Variants in PTN observed in about 807,000 individuals in gnomAD.
PTN encodes the protein pleiotrophin.
A neutral mutation model predicts 24.1 loss-of-function variants in PTN; 18 were observed. The observed-to-expected ratio is 0.75, with a 90% CI of 0.52 to 1.11. The LOEUF (loss-of-function observed/expected upper bound fraction) is 1.11, where lower values mean the gene tolerates loss of function less well. Ranked by LOEUF, PTN falls within the 50% of genes least tolerant of loss-of-function variation. The pLI, the probability that PTN is intolerant of heterozygous loss-of-function variation, is 0.00. For synonymous variants in PTN, 78 were observed against 68.6 expected, an observed-to-expected ratio of 1.14 and a Z score of -0.67; for missense variants, 163 against 198.8, an observed-to-expected ratio of 0.82 and a Z score of 1.08.
At chr7:137,275,148 A>C (rs9718982) in intron 1 of PTN, among the ~76,000 whole-genome samples, 2 of 152,170 alleles carry the variant, frequency 1.3e-5, no homozygotes, top group Admixed American at 6.5e-5. Flanking sequence ...TATCTCCCCC[A>C]AAAAACATCA....
intron 1 of PTN, among the ~76,000 whole-genome samples, chr7:137,337,999 GC>G (rs1810476530): frequency 6.6e-6 from 1 of 152,188 alleles, no homozygotes; most frequent in Non-Finnish European, 1.5e-5. Context: ...TTAATAGGGT[GC>G]ACAGGTTGGA....
chr7:137,268,540 G>A (rs1225533805), intron 1 of PTN, among the ~76,000 whole-genome samples: 1 of 152,172 alleles, frequency 6.6e-6, no homozygotes, highest in African/African-American at 2.4e-5. Flanking sequence ...AGCAAGCCAG[G>A]GGGTACGTGA....
At chr7:137,313,437 C>T (rs1246803034) in intron 1 of PTN, among the ~76,000 whole-genome samples, 3 of 152,136 alleles carry the variant, frequency 2.0e-5, no homozygotes, top group African/African-American at 4.8e-5. Flanking sequence ...GTGAGGACTG[C>T]GGCTCTGCAG....
chr7:137,332,188 A>G (rs896471895), intron 1 of PTN, among the ~76,000 whole-genome samples: 1 of 152,184 alleles, frequency 6.6e-6, no homozygotes, highest in Admixed American at 6.5e-5. Context: ...GCATCTAACT[A>G]TTTTTAAAAG....
At chr7:137,248,700 T>C (rs1808768349) in intron 4 of PTN, among the ~76,000 whole-genome samples, 1 of 152,104 alleles carries the variant, frequency 6.6e-6, no homozygotes, top group African/African-American at 2.4e-5. Context: ...AAGAAATCAT[T>C]CTTTTTGCAG....
intron 1 of PTN, among the ~76,000 whole-genome samples, chr7:137,290,828 T>G (rs1809627573): frequency 6.6e-6 from 1 of 152,110 alleles, no homozygotes; most frequent in Admixed American, 6.6e-5. Context: ...TATGTTCCCC[T>G]TTCCTATTCT....
intron 1 of PTN, among the ~76,000 whole-genome samples, chr7:137,324,446 A>ATG (rs1810223770): frequency 7.2e-6 from 1 of 139,346 alleles, no homozygotes; most frequent in Admixed American, 7.1e-5. Flanking sequence ...ATATATATAT[A>ATG]TATATAAATT....
At chr7:137,256,091 C>T (rs1260519380) in intron 1 of PTN, among the ~76,000 whole-genome samples, 2 of 152,036 alleles carry the variant, frequency 1.3e-5, no homozygotes, top group East Asian at 3.9e-4. Context: ...ATTTATTTTC[C>T]TCATTGAAAA....
intron 1 of PTN, among the ~76,000 whole-genome samples, chr7:137,265,616 C>G (rs1472219456): frequency 1.3e-5 from 2 of 152,204 alleles, no homozygotes; most frequent in Non-Finnish European, 2.9e-5. Flanking sequence ...CAGAGAGAGC[C>G]TGGCATGACT....
intron 1 of PTN, among the ~76,000 whole-genome samples, chr7:137,298,484 A>G (rs536235538): frequency 5.9e-5 from 9 of 152,050 alleles, no homozygotes; most frequent in Admixed American, 5.9e-4. Flanking sequence ...TAAACCTCTT[A>G]TAATTCATGT....
At chr7:137,304,370 C>T (rs1809853367) in intron 1 of PTN, among the ~76,000 whole-genome samples, 1 of 151,840 alleles carries the variant, frequency 6.6e-6, no homozygotes, top group Non-Finnish European at 1.5e-5. Flanking sequence ...CTTTCTGTCT[C>T]CATGGAACTG....
At chr7:137,324,433 A>AAAAAAAATATATAT in intron 1 of PTN, among the ~76,000 whole-genome samples, 1 of 88,762 alleles carries the variant, frequency 1.1e-5, no homozygotes, top group African/African-American at 6.9e-5. Context: ...AAAAAAAAAA[A>AAAAAAAATATATAT]ATATATATAT....
chr7:137,293,018 T>A (rs1006235572), intron 1 of PTN, among the ~76,000 whole-genome samples: 3 of 152,202 alleles, frequency 2.0e-5, no homozygotes, highest in Non-Finnish European at 2.9e-5. Context: ...TTACCTTCTA[T>A]CCTTTACCCA....
intron 1 of PTN, among the ~76,000 whole-genome samples, chr7:137,312,666 G>A (rs1418692746): frequency 6.6e-6 from 1 of 151,580 alleles, no homozygotes; most frequent in African/African-American, 2.4e-5. Flanking sequence ...TTCAACACCT[G>A]GTCCAAAAAT....
At chr7:137,255,071 C>T in intron 1 of PTN, 97 bp from the exon 2 acceptor site, 1 of 755,816 alleles carries the variant, frequency 1.3e-6, no homozygotes, top group Non-Finnish European at 2.0e-6. Flanking sequence ...CTTTCCATTT[C>T]TGGAATGTTA....
At chr7:137,248,836 T>G (rs984390582) in intron 4 of PTN, among the ~76,000 whole-genome samples, 1 of 152,232 alleles carries the variant, frequency 6.6e-6, no homozygotes, top group Non-Finnish European at 1.5e-5. Flanking sequence ...GTAAATTGCA[T>G]AACTGGTAGT....
At chr7:137,235,308 A>G (rs1649182387) in intron 4 of PTN, among the ~76,000 whole-genome samples, 1 of 152,040 alleles carries the variant, frequency 6.6e-6, no homozygotes, top group Non-Finnish European at 1.5e-5. Flanking sequence ...GCCCCACGTC[A>G]GCTATGCCTC....
intron 4 of PTN, among the ~76,000 whole-genome samples, chr7:137,238,588 C>T (rs565778935): frequency 1.3e-5 from 2 of 152,140 alleles, no homozygotes; most frequent in Admixed American, 6.5e-5. Flanking sequence ...CTAAAGAGAT[C>T]CGGCAGTGAT....
chr7:137,249,272 CGTGT>C lies in PTN; in HGVS notation c.451+1954_451+1957del, dbSNP rs60014659. On this transcript the variant is annotated intron_variant, in intron 4 of 4. Coordinates refer to ENST00000348225, the MANE Select transcript of PTN (RefSeq NM_002825.7). ...CCATAGGAAAGAACAGGACAGTGCA[CGTGT>C]GTGTGTGTGTGTGTGTGTGTGTGTG... Among the ~76,000 whole-genome samples, 1,061 of 145,318 alleles carry C rather than the reference CGTGT, an allele frequency of 7.3e-3. 25 individuals are homozygous for C. Among genetic ancestry groups the C allele is most frequent in the East Asian group, 0.054 (267 of 4,914 alleles).
Sources: allele counts gnomAD v4.1 joint callset (sites outside exome capture counted in the v4.1 genomes callset), GRCh38; gene constraint gnomAD v4.1.1; transcripts MANE v1.5; gene names NCBI Gene and HGNC (gene_info 2026-07-23, HGNC 2026-07-21).